SLC2A9: variants seen among roughly 807,000 people sequenced by gnomAD.
SLC2A9 encodes solute carrier family 2 member 9.
SLC2A9 carries 39 observed loss-of-function variants against 50.6 expected under a neutral mutation model. The ratio of observed to expected loss-of-function variants is 0.77; its 90% confidence interval spans 0.60 to 1.01. The LOEUF (loss-of-function observed/expected upper bound fraction) is 1.01. Among genes scored for constraint, SLC2A9 ranks in the 50% least tolerant of loss-of-function variants. The probability of loss-of-function intolerance (pLI) is 0.00; values close to 1 mark genes in which losing one functional copy is unlikely to be tolerated. For missense variants in SLC2A9, 686 were observed against 677.6 expected (o/e 1.01, Z -0.14); for synonymous variants, 324 against 276.9 (o/e 1.17, Z -1.69).
At chr4:9,967,474 G>A (rs79698407) in intron 5 of SLC2A9, among the ~76,000 whole-genome samples, 164 of 152,056 alleles carry the variant, frequency 1.1e-3, no homozygotes, top group African/African-American at 3.8e-3. Flanking sequence ...ATTAATAAGA[G>A]TTGAGCATTC....
chr4:9,784,029 G>T (rs896783445), intron 3 of SLC2A9: 2 of 167,216 alleles, frequency 1.2e-5, no homozygotes, highest in African/African-American at 4.8e-5. Flanking sequence ...GACTATCTTT[G>T]CTTTGCTACA....
At chr4:9,851,187 T>C (rs907451620) in intron 10 of SLC2A9, among the ~76,000 whole-genome samples, 4 of 152,204 alleles carry the variant, frequency 2.6e-5, no homozygotes, top group Admixed American at 6.5e-5. Flanking sequence ...GTTGTGGTCA[T>C]TGGGCTGGGA....
intron 10 of SLC2A9, among the ~76,000 whole-genome samples, chr4:9,845,099 C>CT (rs1391726758): frequency 1.3e-5 from 2 of 151,916 alleles, no homozygotes; most frequent in African/African-American, 4.8e-5. Flanking sequence ...CTGCAAGCTC[C>CT]ACCTCCTGGG....
At chr4:9,961,503 A>G (rs6823361) in intron 5 of SLC2A9, among the ~76,000 whole-genome samples, 75,796 of 152,050 alleles carry the variant, frequency 0.5, 20,720 homozygotes, top group African/African-American at 0.72. Context: ...TTAGCCATAG[A>G]CAGAAAATGG....
intron 6 of SLC2A9, among the ~76,000 whole-genome samples, chr4:9,923,285 C>T (rs547245587): frequency 2.4e-4 from 36 of 152,210 alleles, no homozygotes; most frequent in South Asian, 1.2e-3. Context: ...AGGAATAGGC[C>T]GAGGCAAACA....
chr4:9,802,165 C>T (rs185072102), intron 3 of SLC2A9, among the ~76,000 whole-genome samples: 176 of 152,232 alleles, frequency 1.2e-3, no homozygotes, highest in African/African-American at 3.9e-3. Context: ...ACCTTTTAGA[C>T]GGCCATTCCA....
chr4:9,790,965 A>G (rs1301676054), intron 3 of SLC2A9, among the ~76,000 whole-genome samples: 4 of 152,222 alleles, frequency 2.6e-5, no homozygotes, highest in African/African-American at 9.6e-5. Flanking sequence ...AGCTTGAATT[A>G]TTCTTAGATA....
At chr4:9,877,889 T>C (rs1734553314) in intron 10 of SLC2A9, among the ~76,000 whole-genome samples, 2 of 152,188 alleles carry the variant, frequency 1.3e-5, no homozygotes, top group African/African-American at 4.8e-5. Context: ...ACACCTGCTG[T>C]GTGCAATCCT....
At chr4:10,031,125 A>G (rs1305129705) in intron 1 of SLC2A9, among the ~76,000 whole-genome samples, 1 of 152,220 alleles carries the variant, frequency 6.6e-6, no homozygotes, top group Non-Finnish European at 1.5e-5. Flanking sequence ...GACTGGCACC[A>G]GGGACCAGGA....
At chr4:9,933,308 G>A (rs1048835141) in intron 6 of SLC2A9, among the ~76,000 whole-genome samples, 2 of 152,202 alleles carry the variant, frequency 1.3e-5, no homozygotes, top group African/African-American at 4.8e-5. Context: ...GCAGAGAGGT[G>A]AGCACTTTGA....
chr4:9,954,457 G>A (rs563285064), intron 5 of SLC2A9, among the ~76,000 whole-genome samples: 1 of 152,372 alleles, frequency 6.6e-6, no homozygotes, highest in East Asian at 1.9e-4. Context: ...CTCCTGCTCT[G>A]CCCTAACTTC....
At chr4:9,894,009 G>C (rs192102256) in intron 8 of SLC2A9, among the ~76,000 whole-genome samples, 26 of 152,334 alleles carry the variant, frequency 1.7e-4, no homozygotes, top group African/African-American at 6.0e-4. Flanking sequence ...CAGAGAGAAG[G>C]AAGTGGGATA....
At chr4:9,964,860 C>T (rs928364771) in intron 5 of SLC2A9, among the ~76,000 whole-genome samples, 3 of 152,152 alleles carry the variant, frequency 2.0e-5, no homozygotes, top group Non-Finnish European at 4.4e-5. Context: ...GACGTTGGTC[C>T]TACCACAGAG....
intron 3 of SLC2A9, among the ~76,000 whole-genome samples, chr4:9,815,161 A>C (rs1205621377): frequency 6.6e-6 from 1 of 152,230 alleles, no homozygotes; most frequent in East Asian, 1.9e-4. Context: ...ATAAATGAGC[A>C]CTGCTAGGTG....
intron 5 of SLC2A9, among the ~76,000 whole-genome samples, chr4:9,959,192 T>C (rs1186896568): frequency 1.3e-5 from 2 of 150,446 alleles, no homozygotes; most frequent in Admixed American, 1.3e-4. Flanking sequence ...CCAATCTCTT[T>C]AGTGAGATTT....
chr4:9,989,034 C>A (rs66647240), intron 3 of SLC2A9, among the ~76,000 whole-genome samples: 9,645 of 152,284 alleles, frequency 0.063, 635 homozygotes, highest in East Asian at 0.39. Flanking sequence ...CTCCACAGAC[C>A]TTTCCAGTAA....
downstream of SLC2A9, among the ~76,000 whole-genome samples, chr4:9,776,913 T>C (rs959558706): frequency 2.0e-5 from 3 of 152,120 alleles, no homozygotes; most frequent in Non-Finnish European, 2.9e-5. Flanking sequence ...GTGGCCACTA[T>C]TGCTACAGAT....
intron 3 of SLC2A9, among the ~76,000 whole-genome samples, chr4:9,785,896 G>T (rs1719159743): frequency 6.6e-6 from 1 of 152,202 alleles, no homozygotes. Flanking sequence ...GGGTGAGTAG[G>T]GTGGTGAAGC....
rs573908948 is a variant in SLC2A9 at position 9,804,403 on chromosome 4, T to C, written n.421-5162A>G. ...ACTCATCTGCCTTTCTCTTTGACTT[T>C]TGTTCCTCACTTCCTTCACCCATGG... On this transcript the variant is annotated intron_variant and non_coding_transcript_variant, in intron 3 of 3. Coordinates refer to the SLC2A9 transcript ENST00000503280. 1.4e-3 allele frequency among the ~76,000 whole-genome samples: 217 copies of C among 151,994 alleles called. 1 individual carries two copies. The highest frequency in any genetic ancestry group is 2.8e-3 in the Non-Finnish European group (191 of 68,026).
Sources: gnomAD v4.1 joint callset for allele counts (sites outside exome capture counted in the v4.1 genomes callset) on GRCh38, gnomAD v4.1.1 for gene constraint, MANE v1.5 for transcripts, NCBI Gene and HGNC (gene_info 2026-07-23, HGNC 2026-07-21) for gene names.